The following MCM3AP variants were observed in gnomAD, a reference collection of about 807,000 sequenced individuals.
The protein encoded by MCM3AP is minichromosome maintenance complex component 3 associated protein.
In MCM3AP, 126 loss-of-function variants were observed where a neutral mutation model predicts 184.1. That is an observed-to-expected ratio of 0.68 (90% confidence interval 0.59 to 0.79). The LOEUF (loss-of-function observed/expected upper bound fraction) is 0.79. Ranked by LOEUF, MCM3AP falls within the 30% of genes least tolerant of loss-of-function variation. MCM3AP has a pLI of 0.00. For missense variants in MCM3AP, 2,496 were observed against 2,479.2 expected, an observed-to-expected ratio of 1.01 and a Z score of -0.14; for synonymous variants, 1,002 against 979.3, an observed-to-expected ratio of 1.02 and a Z score of -0.43.
chr21:46,249,183 G>A (rs2080829310), intron 20 of MCM3AP, among the ~76,000 whole-genome samples: 1 of 152,024 alleles, frequency 6.6e-6, no homozygotes, highest in African/African-American at 2.4e-5. Flanking sequence ...GAGCAAAACT[G>A]GAAGGCAAAT....
upstream of MCM3AP, chr21:46,285,880 C>A (rs17182531): frequency 4.5e-3 from 687 of 152,768 alleles, 24 homozygotes; most frequent in South Asian, 0.077. Context: ...CACCCTCGAG[C>A]GGGCTGGAAG....
At position 46,251,564 on chromosome 21, in the gene MCM3AP, CTTT is replaced by C. The variant is rs1242541017; in HGVS notation, c.4252_4254del (p.Lys1418del). 1 of 1,612,608 alleles carries C rather than the reference CTTT, an allele frequency of 6.2e-7. No individual in the cohort carries two copies. The highest frequency in any genetic ancestry group is 8.5e-7 in the Non-Finnish European group (1 of 1,178,684). ...ACGTTAACAGAAATCATCTGATCCC[CTTT>C]GCTGCTAAGTGAGTTGAAAAGCGAA... On this transcript the variant is annotated inframe_deletion, in exon 20 of 28. Transcript: ENST00000291688.
intron 15 of MCM3AP, 36 bp from the exon 16 acceptor site, chr21:46,259,127 C>T (rs780808054): frequency 1.1e-5 from 17 of 1,580,082 alleles, no homozygotes; most frequent in Middle Eastern, 3.7e-4. Context: ...AGACACTGCA[C>T]TTGGGGCCCA....
At chr21:46,256,568 C>T in intron 17 of MCM3AP, 1 of 587,484 alleles carries the variant, frequency 1.7e-6, no homozygotes, top group Non-Finnish European at 3.0e-6. Flanking sequence ...AAGGTGAACT[C>T]AGAGCTCTGC....
At chr21:46,256,671 T>C (rs2080954769) in intron 17 of MCM3AP, 118 bp downstream of exon 17, 2 of 1,284,472 alleles carry the variant, frequency 1.6e-6, no homozygotes, top group Admixed American at 2.6e-5. Flanking sequence ...GCTTCACCTA[T>C]CTTCGCCTCC....
At chr21:46,243,265 G>C (rs1461294501) in intron 24 of MCM3AP, 200 bp downstream of exon 24, 1 of 704,682 alleles carries the variant, frequency 1.4e-6, no homozygotes, top group Admixed American at 2.8e-5. Flanking sequence ...GTTTCAGGGA[G>C]GTGAGTTCAG....
Position 46,256,473 on chromosome 21 carries a change from A to G in MCM3AP, c.3932+316T>C, listed in dbSNP as rs17183039. ...CCTCCGGCTCCTCCAACAAGGATGG[A>G]AGTGGCAGGTACTTAAACTGGGACG... On this transcript the variant is annotated intron_variant, in intron 17 of 27. Coordinates refer to ENST00000291688, the MANE Select transcript of MCM3AP (RefSeq NM_003906.5). 7.2e-4 allele frequency: 272 copies of G among 378,976 alleles called. 1 individual carries two copies. The highest frequency in any genetic ancestry group is 4.9e-3 in the African/African-American group (242 of 49,262). The allele number at this position is 378,976 out of a possible 1,614,324, so 23.5% of individuals were successfully genotyped here. A position where few individuals can be genotyped will look rare whatever the true frequency, so the allele number is the denominator to read the frequency against.
chr21:46,249,986 T>C (rs1171106825), intron 20 of MCM3AP: 1 of 158,196 alleles, frequency 6.3e-6, no homozygotes, highest in Non-Finnish European at 1.4e-5. Context: ...CTAAGGCACA[T>C]GTTGCCTGGA....
At position 46,280,114 on chromosome 21, in the gene MCM3AP, G is replaced by A. The variant is rs779095327; in HGVS notation, c.1546C>T (p.Leu516=). ...KISPNKKPFS[L]KEKKPGDGEV... is the part of the protein sequence containing the mutation. ...CCGTCACCTGGTTTCTTCTCCTTCA[G>A]GGAAAAGGGTTTCTTATTGGGGCCT... The change falls in exon 4 of 28, where the codon CTG becomes TTG. Residue 516 remains leucine, a synonymous_variant. Coordinates refer to ENST00000291688, the MANE Select transcript of MCM3AP (RefSeq NM_003906.5). 6.2e-7 allele frequency: 1 copy of A among 1,614,146 alleles called. No individual in the cohort carries two copies. The highest frequency in any genetic ancestry group is 8.5e-7 in the Non-Finnish European group (1 of 1,180,024).
intron 26 of MCM3AP, among the ~76,000 whole-genome samples, chr21:46,238,058 C>T (rs1297195958): frequency 1.0e-5 from 1 of 99,620 alleles, no homozygotes; most frequent in Non-Finnish European, 2.0e-5. Context: ...CAGATCACGC[C>T]ATTGCACTCC....
chr21:46,279,031 T>C (rs1012320729), intron 4 of MCM3AP, among the ~76,000 whole-genome samples: 1 of 146,906 alleles, frequency 6.8e-6, no homozygotes, highest in Non-Finnish European at 1.5e-5. Context: ...CTGCTGAAAG[T>C]GATTATTAGA....
chr21:46,279,942 G>A lies in MCM3AP; in HGVS notation c.1667+51C>T, dbSNP rs2839195. 179,489 of 1,558,340 alleles carry A rather than the reference G, an allele frequency of 0.12. 16,158 individuals are homozygous for A. The highest frequency in any genetic ancestry group is 0.48 in the African/African-American group (34,965 of 72,480). On this transcript the variant is annotated intron_variant, in intron 4 of 27. Coordinates refer to ENST00000291688, the MANE Select transcript of MCM3AP (RefSeq NM_003906.5). The stretch of plus-strand genomic sequence containing the variant: ...CCTGACTCAGGTGTCGCTATAGGGC[G>A]CTATTTCCTGGTCCTTCCGGAATAA...
At chr21:46,235,465 T>C (rs1458216404) in intron 27 of MCM3AP, 39 bp from the exon 28 acceptor site, 1 of 1,573,648 alleles carries the variant, frequency 6.4e-7, no homozygotes, top group Non-Finnish European at 8.7e-7. Flanking sequence ...TTTTGGGATG[T>C]CAATAAACCA....
intron 2 of MCM3AP, among the ~76,000 whole-genome samples, chr21:46,281,322 T>C (rs1393508938): frequency 6.6e-6 from 1 of 152,154 alleles, no homozygotes; most frequent in African/African-American, 2.4e-5. Flanking sequence ...TCCGTGTAGA[T>C]ACACTCATAA....
chr21:46,260,984 C>G, intron 14 of MCM3AP, 78 bp from the exon 15 acceptor site: 6 of 1,179,578 alleles, frequency 5.1e-6, no homozygotes, highest in Non-Finnish European at 7.5e-6. Context: ...TCCCTGGCCA[C>G]GCAGACAGGG....
In MCM3AP at chr21:46,243,611, G is replaced by T; in HGVS notation, c.5150C>A (p.Thr1717Asn). ...QSQVENLLHR[T>N]YCRWKSKSPS... is the part of the protein sequence containing the mutation. ...ACTCTTGCTCTTCCACCTACAGTAG[G>T]TTCTGTGGAGCAGGTTCTCCACCTG... Residue 1717 changes from threonine to asparagine, a missense_variant, in exon 24 of 28, where the codon ACC becomes AAC. Coordinates refer to ENST00000291688, the MANE Select transcript of MCM3AP (RefSeq NM_003906.5). 6.2e-7 allele frequency: 1 copy of T among 1,614,238 alleles called. No individual in the cohort carries two copies. The highest frequency in any genetic ancestry group is 1.7e-5 in the Admixed American group (1 of 60,028).
Position 46,235,214 on chromosome 21 carries a change from T to G in MCM3AP, c.*54A>C. 1.3e-6 allele frequency: 2 copies of G among 1,564,124 alleles called. No homozygotes were observed. Among genetic ancestry groups the G allele is most frequent in the Non-Finnish European group, 1.8e-6 (2 of 1,139,694 alleles). ...CAAGCATCTGAGAATAACATTATTT[T>G]GAGTAAAAACAGAAACTCTTCGGGA... On this transcript the variant is annotated 3_prime_UTR_variant, in exon 28 of 28. Transcript: ENST00000291688.
intron 9 of MCM3AP, chr21:46,270,159 A>G: frequency 2.8e-6 from 1 of 359,916 alleles, no homozygotes; most frequent in East Asian, 4.2e-5. Flanking sequence ...TTTCCCAAAG[A>G]GATTTTTCTT....
At chr21:46,270,890 A>C (rs8130933) in intron 8 of MCM3AP, among the ~76,000 whole-genome samples, 1,956 of 152,346 alleles carry the variant, frequency 0.013, 48 homozygotes, top group African/African-American at 0.045. Flanking sequence ...TTTACTAACT[A>C]CCACGCTTGG....
Sources: allele counts gnomAD v4.1 joint callset (sites outside exome capture counted in the v4.1 genomes callset), GRCh38; gene constraint gnomAD v4.1.1; transcripts MANE v1.5; gene names NCBI Gene and HGNC (gene_info 2026-07-23, HGNC 2026-07-21).